The following POTEC variants were observed in gnomAD, a reference collection of about 807,000 sequenced individuals.
The protein encoded by POTEC is POTE ankyrin domain family member C, also known as ANKRD26-like family B member 2.
A neutral mutation model predicts 62.0 loss-of-function variants in POTEC; 35 were observed. The ratio of observed to expected loss-of-function variants is 0.56; its 90% confidence interval spans 0.43 to 0.75. POTEC has a LOEUF of 0.75. POTEC is among the 30% of genes least tolerant of loss of function. The pLI, the probability that POTEC is intolerant of heterozygous loss-of-function variation, is 0.00. For missense variants in POTEC, 472 were observed against 655.9 expected, an observed-to-expected ratio of 0.72 and a Z score of 3.06; for synonymous variants, 156 against 221.5, an observed-to-expected ratio of 0.70 and a Z score of 2.62.
chr18:14,540,405 T>C (rs1172868254), intron 1 of POTEC, among the ~76,000 whole-genome samples: 3 of 152,094 alleles, frequency 2.0e-5, no homozygotes, highest in Admixed American at 6.6e-5. Context: ...AAACTTCACT[T>C]ACAAATCCCC....
intron 9 of POTEC, among the ~76,000 whole-genome samples, chr18:14,515,464 A>G (rs1250697478): frequency 6.6e-6 from 1 of 152,116 alleles, no homozygotes; most frequent in Non-Finnish European, 1.5e-5. Flanking sequence ...GTTATTCAAC[A>G]AATGGTGCTG....
intron 9 of POTEC, among the ~76,000 whole-genome samples, chr18:14,518,928 G>T (rs542585383): frequency 1.2e-4 from 19 of 152,248 alleles, no homozygotes; most frequent in African/African-American, 3.4e-4. Flanking sequence ...GGCTGGGGCA[G>T]AGGAATGAAA....
chr18:14,542,220 T>C (rs1018471589), intron 1 of POTEC, among the ~76,000 whole-genome samples: 3 of 152,218 alleles, frequency 2.0e-5, no homozygotes, highest in African/African-American at 4.8e-5. Context: ...CACATCGATA[T>C]AAAATCCATA....
intron 4 of POTEC, 22 bp from the exon 5 acceptor site, chr18:14,533,220 C>G: frequency 6.2e-7 from 1 of 1,603,652 alleles, no homozygotes; most frequent in Non-Finnish European, 8.5e-7. Flanking sequence ...GAGATAATTT[C>G]TCCTTTAGGA....
At chr18:14,540,572 G>A (rs1421349376) in intron 1 of POTEC, among the ~76,000 whole-genome samples, 1 of 152,026 alleles carries the variant, frequency 6.6e-6, no homozygotes. Context: ...CACCCTCAAT[G>A]GTTACATATT....
Position 14,509,573 on chromosome 18 carries a change from T to C in POTEC, c.*2325A>G, listed in dbSNP as rs1223996703. On this transcript the variant is annotated 3_prime_UTR_variant, in exon 11 of 11. Coordinates refer to ENST00000358970, the MANE Select transcript of POTEC (RefSeq NM_001137671.2). ...AAAGGGCTGCAGTATGGAATGGTAA[T>C]GTGCAGGCTAGTGCGTGGCTGTAGA... 2 of 152,318 alleles carry C rather than the reference T, an allele frequency of 1.3e-5. No individual in the cohort carries two copies. Among genetic ancestry groups the C allele is most frequent in the East Asian group, 2.0e-4 (1 of 5,088 alleles). The allele number at this position is 152,318 out of a possible 1,614,324, so 9.4% of individuals were successfully genotyped here. A position where few individuals can be genotyped will look rare whatever the true frequency, so the allele number is the denominator to read the frequency against.
chr18:14,528,903 C>T (rs1370434656), intron 6 of POTEC: 2 of 453,518 alleles, frequency 4.4e-6, no homozygotes, highest in African/African-American at 4.0e-5. Flanking sequence ...TGCTCAGAAA[C>T]CCTGCAAGGT....
At chr18:14,538,951 A>G (rs1337266359) in intron 1 of POTEC, among the ~76,000 whole-genome samples, 4 of 152,146 alleles carry the variant, frequency 2.6e-5, no homozygotes. Flanking sequence ...AATATGTTAT[A>G]ATATAACAGG....
At chr18:14,526,973 C>T (rs898486750) in intron 6 of POTEC, among the ~76,000 whole-genome samples, 1 of 152,068 alleles carries the variant, frequency 6.6e-6, no homozygotes, top group Non-Finnish European at 1.5e-5. Context: ...CTCATGAACA[C>T]TTGGAAAGTC....
intron 9 of POTEC, among the ~76,000 whole-genome samples, chr18:14,514,245 T>C (rs1411652476): frequency 1.3e-5 from 2 of 151,726 alleles, no homozygotes; most frequent in African/African-American, 4.8e-5. Flanking sequence ...CAGCTTGCAA[T>C]AGGGTTCAAG....
At chr18:14,514,956 T>C (rs192827244) in intron 9 of POTEC, among the ~76,000 whole-genome samples, 24 of 152,330 alleles carry the variant, frequency 1.6e-4, no homozygotes, top group Admixed American at 1.4e-3. Flanking sequence ...CTTTTTACAA[T>C]GGCTGCAAAA....
In POTEC at chr18:14,537,045, T is replaced by G. The variant is rs964683913; in HGVS notation, c.810+756A>C. ...CTGCCAATCTGGTTCCTCAGAGGCC[T>G]CCTAAAATTTATCTCTAGGCAGTTT... On this transcript the variant is annotated intron_variant, in intron 3 of 10. Transcript: ENST00000358970. 8.6e-5 allele frequency among the ~76,000 whole-genome samples: 13 copies of G among 151,446 alleles called. No homozygotes were observed. The South Asian group carries it at 1.0e-3, about 12-fold the overall frequency.
chr18:14,528,133 CAT>C (rs1251295521), intron 6 of POTEC: 4 of 152,186 alleles, frequency 2.6e-5, no homozygotes, highest in Non-Finnish European at 4.4e-5. Flanking sequence ...ACAGAGACCA[CAT>C]AGTCTAAAAT....
chr18:14,510,838 T>G lies in POTEC; in HGVS notation c.*1060A>C, dbSNP rs1909986346. The G allele has an allele frequency of 2.0e-5, 3 of 152,070 alleles. No homozygotes were observed. Among genetic ancestry groups the G allele is most frequent in the Admixed American group, 1.3e-4 (2 of 15,272 alleles). The allele number at this position is 152,070 out of a possible 1,614,324, so 9.4% of individuals were successfully genotyped here. ...GGTCTCCTCAGACACTCTGAAACTCTAAGACTGAACTGGCTGAGTCATCCA... is the reference window on the plus strand; with the variant it reads ...GGTCTCCTCAGACACTCTGAAACTCGAAGACTGAACTGGCTGAGTCATCCA... On this transcript the variant is annotated 3_prime_UTR_variant, in exon 11 of 11. Transcript: ENST00000358970.
intron 3 of POTEC, among the ~76,000 whole-genome samples, chr18:14,535,276 C>T (rs553672767): frequency 7.0e-6 from 1 of 143,144 alleles, no homozygotes; most frequent in African/African-American, 2.6e-5. Flanking sequence ...TTTGGCATGG[C>T]ACTTTTGGAT....
chr18:14,531,947 T>C (rs1369804297), intron 5 of POTEC, among the ~76,000 whole-genome samples: 1 of 150,820 alleles, frequency 6.6e-6, no homozygotes, highest in Non-Finnish European at 1.5e-5. Flanking sequence ...GAGCTAGAGA[T>C]GGAAGTAGCT....
In POTEC at chr18:14,538,145, G is replaced by C. The variant is rs1187108971; in HGVS notation, c.626C>G (p.Ala209Gly). ...LNVLDNKKRT[A>G]LIKAVQCQED... is the part of the protein sequence containing the mutation. ...TTGACTACTGCATACCTTTATCAGA[G>C]CTGTCCTTTTTTTGTTGTCAAGGAC... The change falls in exon 2 of 11, where the codon GCT (alanine) becomes GGT (glycine). Residue 209 changes from alanine to glycine, a missense_variant. Physicochemically the swap from Ala to Gly is moderately conservative, Grantham distance 60. Transcript: ENST00000358970. 6.2e-7 allele frequency: 1 copy of C among 1,609,662 alleles called. No individual in the cohort carries two copies. Among genetic ancestry groups the C allele is most frequent in the East Asian group, 2.2e-5 (1 of 44,810 alleles).
chr18:14,515,058 T>C (rs1910110783), intron 9 of POTEC, among the ~76,000 whole-genome samples: 1 of 152,224 alleles, frequency 6.6e-6, no homozygotes, highest in African/African-American at 2.4e-5. Context: ...TCACAGATGA[T>C]ACAAATAAAT....
intron 6 of POTEC, among the ~76,000 whole-genome samples, chr18:14,526,645 A>C (rs1471513633): frequency 1.3e-5 from 2 of 152,062 alleles, no homozygotes; most frequent in East Asian, 3.9e-4. Flanking sequence ...GAAAGAGTGA[A>C]AGTATTTGCC....
Sources: allele counts gnomAD v4.1 joint callset (sites outside exome capture counted in the v4.1 genomes callset), GRCh38; gene constraint gnomAD v4.1.1; transcripts MANE v1.5; gene names NCBI Gene and HGNC (gene_info 2026-07-23, HGNC 2026-07-21).